PAH: variants seen among roughly 807,000 people sequenced by gnomAD.
The protein encoded by PAH is phenylalanine-4-hydroxylase.
Under a neutral mutation model 62.0 loss-of-function variants are expected in PAH, and 64 were observed. The observed-to-expected ratio is 1.03, with a 90% CI of 0.84 to 1.27. PAH has a LOEUF of 1.27. Ranked by LOEUF, PAH falls within the 50% of genes most tolerant of loss-of-function variation. PAH has a pLI of 0.00. For missense variants in PAH, 579 were observed against 542.8 expected, an observed-to-expected ratio of 1.07 and a Z score of -0.66; for synonymous variants, 195 against 196.2, an observed-to-expected ratio of 0.99 and a Z score of 0.05.
Position 102,878,100 on chromosome 12 carries a change from C to T in PAH, c.353-550G>A, listed in dbSNP as rs1343579195. ...TTGGCCTCCCAAAGTGCTGGGATTA[C>T]AGGCATGAGCCACTGCGTCCGGCCA... On this transcript the variant is annotated intron_variant, in intron 3 of 12. Transcript: ENST00000553106. 2.0e-5 allele frequency among the ~76,000 whole-genome samples: 3 copies of T among 152,196 alleles called. No individual in the cohort carries two copies. In the East Asian group the frequency reaches 5.8e-4, roughly 29 times the overall value.
chr12:102,930,871 C>T (rs1231934143), intron 1 of PAH, among the ~76,000 whole-genome samples: 4 of 152,182 alleles, frequency 2.6e-5, no homozygotes, highest in Non-Finnish European at 5.9e-5. Flanking sequence ...AGTGGTTCTA[C>T]AACTACACAT....
At chr12:102,870,201 C>G (rs574810500) in intron 4 of PAH, among the ~76,000 whole-genome samples, 3 of 152,250 alleles carry the variant, frequency 2.0e-5, no homozygotes, top group Admixed American at 2.0e-4. Context: ...CTTGAGTATT[C>G]TTGTAGACTG....
At chr12:102,894,342 G>A (rs1187084923) in intron 3 of PAH, among the ~76,000 whole-genome samples, 1 of 146,304 alleles carries the variant, frequency 6.8e-6, no homozygotes, top group Non-Finnish European at 1.5e-5. Flanking sequence ...TAACAAACCT[G>A]TACATATAAC....
At position 102,847,377 on chromosome 12, in the gene PAH, G is replaced by A. The variant is rs111235106; in HGVS notation, c.913-426C>T. ...CAGATAAGTGGTGACATCGGTCCAG[G>A]CATATATATAGCTGGAGAGTCTAAC... On this transcript the variant is annotated intron_variant, in intron 8 of 12. Transcript: ENST00000553106. 2.3e-3 allele frequency: 565 copies of A among 247,260 alleles called. 3 individuals are homozygous for A. The highest frequency in any genetic ancestry group is 0.011 in the African/African-American group (523 of 45,528). The allele number at this position is 247,260 out of a possible 1,614,324, so 15.3% of individuals were successfully genotyped here.
intron 1 of PAH, among the ~76,000 whole-genome samples, chr12:102,923,820 A>G (rs565880106): frequency 5.3e-5 from 8 of 152,272 alleles, no homozygotes; most frequent in African/African-American, 1.9e-4. Context: ...CACCTGACTT[A>G]AAGAGGTCCA....
At chr12:102,876,933 A>C (rs1180498150) in intron 4 of PAH, among the ~76,000 whole-genome samples, 1 of 151,914 alleles carries the variant, frequency 6.6e-6, no homozygotes, top group Admixed American at 6.6e-5. Flanking sequence ...TAATGCACCA[A>C]CCAGTCATTC....
rs1449650109 is a variant in PAH at position 102,957,512 on chromosome 12, G to C, written c.-96+683C>G. On this transcript the variant is annotated intron_variant, in intron 1 of 4. Coordinates refer to the PAH transcript ENST00000551337. The surrounding 1 kb of genome is among the most constrained non-coding windows in gnomAD (Gnocchi z 4.1). ...GGGAGGGGGGGAGAGGAGAGGAGGA[G>C]GGGGAGTTTAGGGAGTGGGTGGGAG... Among the ~76,000 whole-genome samples, 1 of 151,510 alleles carries C rather than the reference G, an allele frequency of 6.6e-6. No homozygotes were observed. Among genetic ancestry groups the C allele is most frequent in the African/African-American group, 2.4e-5 (1 of 41,210 alleles).
rs567877907 is a variant in PAH at position 102,852,166 on chromosome 12, A to G, written c.843-410T>C. 63 of 225,624 alleles carry G rather than the reference A, an allele frequency of 2.8e-4. No homozygotes were observed. The South Asian group carries it at 3.1e-3, about 11-fold the overall frequency. The allele number at this position is 225,624 out of a possible 1,614,324, so 14.0% of individuals were successfully genotyped here. A position where few individuals can be genotyped will look rare whatever the true frequency, so the allele number is the denominator to read the frequency against. ...ATGCTCAGCTATTCCACTGGGAACT[A>G]AAACAAAAACAGTGCTGCTCTTCTG... On this transcript the variant is annotated intron_variant, in intron 7 of 12. Coordinates refer to ENST00000553106, the MANE Select transcript of PAH (RefSeq NM_000277.3).
At chr12:102,956,679 T>A (rs535870344) in intron 1 of PAH, among the ~76,000 whole-genome samples, 8 of 152,154 alleles carry the variant, frequency 5.3e-5, no homozygotes, top group African/African-American at 1.7e-4. Flanking sequence ...CTCCCTTCTT[T>A]ATGATATCCG....
chr12:102,943,312 G>GA (rs1250683178), intron 1 of PAH, among the ~76,000 whole-genome samples: 1 of 152,038 alleles, frequency 6.6e-6, no homozygotes, highest in Non-Finnish European at 1.5e-5. Flanking sequence ...ACAAGCATAT[G>GA]AAAAAATGCT....
chr12:102,843,708 G>A lies in PAH; in HGVS notation c.1137C>T (p.Val379=). ...CGTAATAGAGGGGCTGGAACTCCGT[G>A]ACAGTGTAATTTTGGATGGCTGTCT... is the stretch of plus-strand genomic sequence containing the variant. ...LEKTAIQNYT[V]TEFQPLYYVA... Residue 379 remains valine (V), a synonymous_variant, in exon 11 of 13, where the codon GTC becomes GTT. Coordinates refer to ENST00000553106, the MANE Select transcript of PAH (RefSeq NM_000277.3). 1 of 1,613,638 alleles carries A rather than the reference G, an allele frequency of 6.2e-7. No individual in the cohort carries two copies.
intron 11 of PAH, among the ~76,000 whole-genome samples, chr12:102,842,442 G>C (rs1874631311): frequency 6.6e-6 from 1 of 152,128 alleles, no homozygotes; most frequent in Non-Finnish European, 1.5e-5. Flanking sequence ...CATAAATTAA[G>C]GAATATCCAT....
At chr12:102,891,324 C>A (rs997399032) in intron 3 of PAH, among the ~76,000 whole-genome samples, 1 of 152,056 alleles carries the variant, frequency 6.6e-6, no homozygotes, top group South Asian at 2.1e-4. Context: ...CACACCCTTG[C>A]GCATGACCCC....
At chr12:102,948,966 A>C (rs1029834642) in intron 1 of PAH, among the ~76,000 whole-genome samples, 3 of 152,168 alleles carry the variant, frequency 2.0e-5, no homozygotes, top group Non-Finnish European at 2.9e-5. Flanking sequence ...AATAGAATCA[A>C]GTAGTCCTGA....
intron 3 of PAH, among the ~76,000 whole-genome samples, chr12:102,879,612 G>C (rs921852318): frequency 2.0e-5 from 3 of 151,416 alleles, no homozygotes; most frequent in Non-Finnish European, 4.4e-5. Context: ...CTGTGGGGGG[G>C]GGGTACTATT....
intron 1 of PAH, among the ~76,000 whole-genome samples, chr12:102,924,146 G>A (rs907226681): frequency 6.6e-6 from 1 of 152,164 alleles, no homozygotes; most frequent in Non-Finnish European, 1.5e-5. Context: ...ACAGCACATT[G>A]ACACATCTCT....
At chr12:102,846,529 A>G (rs1408195273) in intron 9 of PAH, among the ~76,000 whole-genome samples, 1 of 152,192 alleles carries the variant, frequency 6.6e-6, no homozygotes, top group Non-Finnish European at 1.5e-5. Flanking sequence ...AAAAGATCCT[A>G]ATGTATGCTC....
chr12:102,850,552 G>C (rs1052660349), intron 8 of PAH, among the ~76,000 whole-genome samples: 4 of 152,134 alleles, frequency 2.6e-5, no homozygotes, highest in Admixed American at 6.5e-5. Context: ...TGATTCTTGT[G>C]CTTCTTTGTG....
At chr12:102,901,276 G>A (rs77856075) in intron 2 of PAH, among the ~76,000 whole-genome samples, 23,122 of 151,968 alleles carry the variant, frequency 0.15, 1,931 homozygotes, top group African/African-American at 0.21. Context: ...GGGCTATCTG[G>A]GTTCAAATTC....
Sources: gnomAD v4.1 joint callset for allele counts (sites outside exome capture counted in the v4.1 genomes callset) on GRCh38, gnomAD v4.1.1 for gene constraint, Gnocchi (gnomAD v3.1) non-coding constraint, MANE v1.5 for transcripts, NCBI Gene and HGNC (gene_info 2026-07-23, HGNC 2026-07-21) for gene names.